The following DNAJC17 variants were observed in gnomAD, a reference collection of about 807,000 sequenced individuals.
DNAJC17 encodes the protein DnaJ heat shock protein family (Hsp40) member C17, also known as dnaJ homolog subfamily C member 17.
DNAJC17 carries 35 observed loss-of-function variants against 48.1 expected under a neutral mutation model. The ratio of observed to expected loss-of-function variants is 0.73; its 90% CI spans 0.56 to 0.96. The LOEUF (loss-of-function observed/expected upper bound fraction) is 0.96, where lower values mean the gene tolerates loss of function less well. Ranked by LOEUF, DNAJC17 falls within the 50% of genes least tolerant of loss-of-function variation. The pLI is 0.00. For missense variants in DNAJC17, 355 were observed against 377.1 expected, an observed-to-expected ratio of 0.94 and a Z score of 0.48; for synonymous variants, 117 against 142.7, an observed-to-expected ratio of 0.82 and a Z score of 1.28.
In DNAJC17 at chr15:40,770,633, C is replaced by T; in HGVS notation, c.793-2571G>A. The stretch of plus-strand genomic sequence containing the variant: ...CAGCAGGTGGGGACCACGAGGAGTA[C>T]AGCAACCGAGAAGTCATCCGGGAGC... On this transcript the variant is annotated intron_variant, in intron 10 of 10. Coordinates refer to ENST00000220496, the MANE Select transcript of DNAJC17 (RefSeq NM_018163.3). The surrounding 1 kb of genome is among the most constrained non-coding windows in gnomAD (Gnocchi z 5.0). 1.9e-6 allele frequency: 3 copies of T among 1,550,466 alleles called. No individual in the cohort carries two copies. Among genetic ancestry groups the T allele is most frequent in the Non-Finnish European group, 2.6e-6 (3 of 1,146,974 alleles).
At chr15:40,792,242 A>G (rs1889826434) in intron 1 of DNAJC17, among the ~76,000 whole-genome samples, 1 of 152,218 alleles carries the variant, frequency 6.6e-6, no homozygotes, top group Admixed American at 6.5e-5. Flanking sequence ...TATAAAAGAA[A>G]TATGTAGCTA....
chr15:40,780,423 T>C, intron 1 of DNAJC17: 1 of 432,794 alleles, frequency 2.3e-6, no homozygotes, highest in Non-Finnish European at 4.6e-6. Flanking sequence ...GAATCTGGAC[T>C]TGTAGAAGTA....
rs759455673 is a variant in DNAJC17, at chr15:40,773,743, T to G, written c.776A>C (p.His259Pro). 152 of 1,613,664 alleles carry G rather than the reference T, an allele frequency of 9.4e-5. No individual in the cohort carries two copies. The highest frequency in any genetic ancestry group is 1.3e-4 in the Non-Finnish European group (148 of 1,179,910). ...GQPQDAVGRS[H>P]SGLSKGSVLS... is the part of the protein sequence containing the mutation. ...ACTCCTCACCTTTGACAGTCCTGAG[T>G]GGCTGCGGCCCACGGCATCCTGGGG... is the stretch of plus-strand genomic sequence containing the variant. Residue 259 changes from histidine to proline, a missense_variant, in exon 10 of 11, where the codon CAC becomes CCC. His to Pro is a moderately conservative substitution (Grantham distance 77, BLOSUM62 -2). This residue lies in a region of DNAJC17 where 88 missense variants were observed against 67.7 expected (regional missense o/e 1.30). Coordinates refer to ENST00000220496, the MANE Select transcript of DNAJC17 (RefSeq NM_018163.3).
chr15:40,770,573 C>T lies in DNAJC17; in HGVS notation c.793-2511G>A. 1.9e-6 allele frequency: 3 copies of T among 1,550,672 alleles called. No homozygotes were observed. The highest frequency in any genetic ancestry group is 2.7e-5 in the African/African-American group (2 of 73,182). The stretch of plus-strand genomic sequence containing the variant: ...TGAGCCTGGGGCGGCCACGGCGGCT[C>T]CGGCGACAGAGTAGTGTGCTTAGCC... On this transcript the variant is annotated intron_variant, in intron 10 of 10. Coordinates refer to ENST00000220496, the MANE Select transcript of DNAJC17 (RefSeq NM_018163.3). The surrounding 1 kb of genome is among the most constrained non-coding windows in gnomAD (Gnocchi z 5.0).
intron 1 of DNAJC17, among the ~76,000 whole-genome samples, chr15:40,796,623 A>G (rs1211805810): frequency 6.6e-6 from 1 of 152,210 alleles, no homozygotes; most frequent in Non-Finnish European, 1.5e-5. Flanking sequence ...GGATGTGGAG[A>G]AAATGGAACT....
intron 1 of DNAJC17, 168 bp downstream of exon 1, chr15:40,807,201 G>A (rs1890261345): frequency 5.3e-6 from 8 of 1,498,646 alleles, no homozygotes; most frequent in African/African-American, 1.4e-5. Flanking sequence ...CCCTCGGACC[G>A]TCCAGGAAAT....
chr15:40,782,291 C>T (rs969509331), intron 1 of DNAJC17, among the ~76,000 whole-genome samples: 7 of 152,020 alleles, frequency 4.6e-5, no homozygotes, highest in African/African-American at 1.4e-4. Context: ...CATAGTGGTG[C>T]GTGCCTGCAG....
In DNAJC17 at chr15:40,767,271, G is replaced by C. The variant is rs757681808; in HGVS notation, c.*669C>G. The C allele has an allele frequency of 9.3e-6, 15 of 1,604,458 alleles. No individual in the cohort carries two copies. The highest frequency in any genetic ancestry group is 1.3e-5 in the Non-Finnish European group (15 of 1,175,570). The stretch of plus-strand genomic sequence containing the variant: ...ACCCTCCCCGCATAGTCCTGGACAA[G>C]CTGGAACGCAGGGGCTTCCGTGTGC... On this transcript the variant is annotated 3_prime_UTR_variant, in exon 11 of 11. Coordinates refer to ENST00000220496, the MANE Select transcript of DNAJC17 (RefSeq NM_018163.3).
At chr15:40,774,303 T>A in intron 9 of DNAJC17, 53 bp downstream of exon 9, 1 of 1,598,344 alleles carries the variant, frequency 6.3e-7, no homozygotes. Flanking sequence ...ATTGGGTCCC[T>A]GCCCTAGAAT....
rs1314276633 is a variant in DNAJC17 at position 40,770,862 on chromosome 15, C to T, written c.793-2800G>A. ...CTCTCTGTCGAGTGCCCTCCACCAGCACTCAGAGAAGGGCCTTGTGGACAC... is the reference window on the plus strand; with the variant it reads ...CTCTCTGTCGAGTGCCCTCCACCAGTACTCAGAGAAGGGCCTTGTGGACAC... On this transcript the variant is annotated intron_variant, in intron 10 of 10. Coordinates refer to ENST00000220496, the MANE Select transcript of DNAJC17 (RefSeq NM_018163.3). The surrounding 1 kb of genome is among the most constrained non-coding windows in gnomAD (Gnocchi z 5.0). 6.4e-7 allele frequency: 1 copy of T among 1,551,570 alleles called. No individual in the cohort carries two copies. Among genetic ancestry groups the T allele is most frequent in the Non-Finnish European group, 8.7e-7 (1 of 1,147,006 alleles).
At chr15:40,792,623 T>A (rs1889835471) in intron 1 of DNAJC17, 1 of 605,914 alleles carries the variant, frequency 1.7e-6, no homozygotes, top group Admixed American at 6.3e-5. Flanking sequence ...GAGACCAGCC[T>A]GGGCAACATA....
chr15:40,806,554 GAGAA>G (rs1890232761), intron 1 of DNAJC17, among the ~76,000 whole-genome samples: 1 of 150,602 alleles, frequency 6.6e-6, no homozygotes, highest in Admixed American at 6.6e-5. Flanking sequence ...TTCTTTTTTT[GAGAA>G]AGAGTCTTGC....
chr15:40,780,283 T>A, intron 1 of DNAJC17: 1 of 582,536 alleles, frequency 1.7e-6, no homozygotes, highest in Non-Finnish European at 3.2e-6. Flanking sequence ...AGTACCCCGC[T>A]TTCTCGACAG....
At chr15:40,794,884 A>G (rs982508050) in intron 1 of DNAJC17, among the ~76,000 whole-genome samples, 1 of 151,714 alleles carries the variant, frequency 6.6e-6, no homozygotes. Flanking sequence ...AGCCCAGCTA[A>G]TTTTTTGTAT....
At chr15:40,776,163 G>A (rs200488800) in intron 6 of DNAJC17, 33 bp downstream of exon 6, 1 of 1,603,656 alleles carries the variant, frequency 6.2e-7, no homozygotes, top group African/African-American at 1.3e-5. Flanking sequence ...GAGCTACCTT[G>A]GAGGGGAGAT....
Position 40,767,385 on chromosome 15 carries a change from T to C in DNAJC17, c.*555A>G. 1.3e-6 allele frequency: 2 copies of C among 1,572,000 alleles called. No individual in the cohort carries two copies. Among genetic ancestry groups the C allele is most frequent in the Non-Finnish European group, 1.7e-6 (2 of 1,160,346 alleles). On this transcript the variant is annotated 3_prime_UTR_variant, in exon 11 of 11. Transcript: ENST00000220496. ...CTGATTTGCAGACGGGGCACCCCTG[T>C]GGAGGGGCTGCTGTGGGCCCTGACC...
chr15:40,802,038 G>A (rs780911768), intron 1 of DNAJC17, among the ~76,000 whole-genome samples: 2 of 152,158 alleles, frequency 1.3e-5, no homozygotes, highest in Non-Finnish European at 2.9e-5. Context: ...GTTCTAGATG[G>A]CAGGGGTGAG....
At chr15:40,804,404 C>G (rs1890150769) in intron 1 of DNAJC17, among the ~76,000 whole-genome samples, 1 of 150,874 alleles carries the variant, frequency 6.6e-6, no homozygotes, top group South Asian at 2.1e-4. Flanking sequence ...ATAGCTGGAC[C>G]CCGTCTCTGG....
At chr15:40,795,028 A>G (rs1293428198) in intron 1 of DNAJC17, among the ~76,000 whole-genome samples, 1 of 152,000 alleles carries the variant, frequency 6.6e-6, no homozygotes, top group African/African-American at 2.4e-5. Flanking sequence ...TTTTTAATAT[A>G]TATTTTTAGC....
Sources: gnomAD v4.1 joint callset for allele counts (sites outside exome capture counted in the v4.1 genomes callset) on GRCh38, gnomAD v4.1.1 for gene constraint, gnomAD v4.1.1 regional missense constraint, Gnocchi (gnomAD v3.1) non-coding constraint, MANE v1.5 for transcripts, NCBI Gene and HGNC (gene_info 2026-07-23, HGNC 2026-07-21) for gene names.